The following ADRA1A variants were observed in gnomAD, a reference collection of about 807,000 sequenced individuals.
ADRA1A encodes the protein alpha-1A adrenergic receptor.
ADRA1A carries 31 observed loss-of-function variants against 29.6 expected under a neutral mutation model. The ratio of observed to expected loss-of-function variants is 1.05; its 90% CI spans 0.79 to 1.41. ADRA1A has a LOEUF of 1.41. Ranked by LOEUF, ADRA1A falls within the 40% of genes most tolerant of loss-of-function variation. The pLI is 0.00. For synonymous variants in ADRA1A, 311 were observed against 254.3 expected, an observed-to-expected ratio of 1.22 and a Z score of -2.12; for missense variants, 619 against 601.1, an observed-to-expected ratio of 1.03 and a Z score of -0.31.
At chr8:26,828,155 G>A (rs1259810005) in intron 2 of ADRA1A, among the ~76,000 whole-genome samples, 3 of 152,162 alleles carry the variant, frequency 2.0e-5, no homozygotes, top group African/African-American at 7.2e-5. Flanking sequence ...GGGCCTCCCA[G>A]GGTGCTAAGA....
chr8:26,777,808 G>C (rs960517967), intron 2 of ADRA1A, among the ~76,000 whole-genome samples: 10 of 152,370 alleles, frequency 6.6e-5, no homozygotes, highest in Non-Finnish European at 1.0e-4. Context: ...CGGGCACACT[G>C]TGCTGGGCAC....
chr8:26,771,862 T>C lies in ADRA1A; in HGVS notation c.884-1196A>G, dbSNP rs75634841. The stretch of plus-strand genomic sequence containing the variant: ...GTATAACGCTGAGGGGATCATCACA[T>C]AGGATAAGGTCAATGTCGTTTCTAA... On this transcript the variant is annotated intron_variant, in intron 2 of 2. Transcript: ENST00000380573. 283 of 152,674 alleles carry C rather than the reference T, an allele frequency of 1.9e-3. 5 individuals carry two copies. In the East Asian group the frequency reaches 0.025, roughly 14 times the overall value. The allele number at this position is 152,674 out of a possible 1,614,324, so 9.5% of individuals were successfully genotyped here. A position where few individuals can be genotyped will look rare whatever the true frequency, so the allele number is the denominator to read the frequency against.
At chr8:26,814,382 T>G (rs1809621932) in intron 2 of ADRA1A, among the ~76,000 whole-genome samples, 1 of 152,204 alleles carries the variant, frequency 6.6e-6, no homozygotes, top group African/African-American at 2.4e-5. Flanking sequence ...TAGTAGGGAC[T>G]GCAGAATAGC....
At chr8:26,857,297 C>T (rs1410199829) in intron 2 of ADRA1A, among the ~76,000 whole-genome samples, 3 of 152,064 alleles carry the variant, frequency 2.0e-5, no homozygotes. Flanking sequence ...ACATAGATGG[C>T]TGCTGCTTTA....
intron 2 of ADRA1A, among the ~76,000 whole-genome samples, chr8:26,840,042 C>A (rs933039959): frequency 6.6e-6 from 1 of 152,232 alleles, no homozygotes; most frequent in African/African-American, 2.4e-5. Context: ...AGGCAATCTG[C>A]AATTTCTCAA....
At chr8:26,804,290 C>T (rs1479241120) in intron 2 of ADRA1A, among the ~76,000 whole-genome samples, 6 of 152,078 alleles carry the variant, frequency 3.9e-5, no homozygotes, top group African/African-American at 1.2e-4. Flanking sequence ...CATGAAAACA[C>T]ATCCACATGC....
At chr8:26,788,619 A>G (rs1392854236) in intron 2 of ADRA1A, among the ~76,000 whole-genome samples, 1 of 152,206 alleles carries the variant, frequency 6.6e-6, no homozygotes, top group African/African-American at 2.4e-5. Flanking sequence ...ATCTCCTCAT[A>G]TCAACCATGT....
At chr8:26,804,162 C>T (rs1232192042) in intron 2 of ADRA1A, among the ~76,000 whole-genome samples, 1 of 151,946 alleles carries the variant, frequency 6.6e-6, no homozygotes, top group Non-Finnish European at 1.5e-5. Context: ...GTCAAGTGAT[C>T]CTCCTGCCTT....
rs745807264 is a variant in ADRA1A, at chr8:26,864,658, T to G, written c.312A>C (p.Ala104=). ...FGRVFCNIWA[A]VDVLCCTASI... is the part of the protein sequence containing the mutation. ...ACGCGGTGCAGCACAGCACATCCAC[T>G]GCCGCCCAGATGTTGCAGAAGACCC... is the stretch of plus-strand genomic sequence containing the variant. The change falls in exon 2 of 3, where the codon GCA becomes GCC. Residue 104 remains alanine (A), a synonymous_variant. Transcript: ENST00000380573. This position sits in a 1 kb window ranked among gnomAD's most constrained non-coding sequence, Gnocchi z 8.1. 41 of 1,614,016 alleles carry G rather than the reference T, an allele frequency of 2.5e-5. No individual in the cohort carries two copies. Among genetic ancestry groups the G allele is most frequent in the Non-Finnish European group, 3.2e-5 (38 of 1,180,032 alleles).
At chr8:26,764,951 T>C (rs73678231), downstream of ADRA1A, among the ~76,000 whole-genome samples, 1,958 of 152,290 alleles carry the variant, frequency 0.013, 44 homozygotes, top group African/African-American at 0.044. Context: ...ATAACGTGGC[T>C]GCACTGAATA....
chr8:26,786,478 T>C (rs1387419708), intron 2 of ADRA1A, among the ~76,000 whole-genome samples: 1 of 151,976 alleles, frequency 6.6e-6, no homozygotes, highest in Non-Finnish European at 1.5e-5. Flanking sequence ...ATGTACTCCA[T>C]TGAGTACATC....
At chr8:26,832,805 T>C (rs1401234580) in intron 2 of ADRA1A, among the ~76,000 whole-genome samples, 1 of 152,086 alleles carries the variant, frequency 6.6e-6, no homozygotes, top group Non-Finnish European at 1.5e-5. Flanking sequence ...AAGGAGAAGC[T>C]GGGCTGCCAT....
At chr8:26,820,556 T>A (rs1232193751) in intron 2 of ADRA1A, among the ~76,000 whole-genome samples, 1 of 152,200 alleles carries the variant, frequency 6.6e-6, no homozygotes, top group Non-Finnish European at 1.5e-5. Flanking sequence ...CTTCTCAGTG[T>A]AGACTTTTCA....
At chr8:26,759,690 C>G (rs1805396794) in intron 2 of ADRA1A, among the ~76,000 whole-genome samples, 1 of 152,146 alleles carries the variant, frequency 6.6e-6, no homozygotes, top group African/African-American at 2.4e-5. Context: ...CCCTCCCATC[C>G]CTTGAGACTT....
At chr8:26,790,633 T>C (rs1807747738) in intron 2 of ADRA1A, among the ~76,000 whole-genome samples, 1 of 152,194 alleles carries the variant, frequency 6.6e-6, no homozygotes. Context: ...AATGATCTTA[T>C]AAATGTTTGA....
At chr8:26,765,407 G>A (rs1440249628), downstream of ADRA1A, among the ~76,000 whole-genome samples, 1 of 152,194 alleles carries the variant, frequency 6.6e-6, no homozygotes, top group Non-Finnish European at 1.5e-5. Context: ...TGCTCCCAGG[G>A]GTTCTGGAGG....
chr8:26,858,604 T>A (rs1347804746), intron 2 of ADRA1A, among the ~76,000 whole-genome samples: 1 of 152,168 alleles, frequency 6.6e-6, no homozygotes, highest in Non-Finnish European at 1.5e-5. Flanking sequence ...CTCTAGACAA[T>A]GAGATGAAAT....
chr8:26,861,303 G>GGT (rs1813436795), intron 2 of ADRA1A, among the ~76,000 whole-genome samples: 1 of 119,674 alleles, frequency 8.4e-6, no homozygotes, highest in Admixed American at 8.9e-5. Context: ...CAGAGGCTCT[G>GGT]TTTTTTTTTT....
At chr8:26,767,242 G>A (rs1396366653), downstream of ADRA1A, among the ~76,000 whole-genome samples, 1 of 152,174 alleles carries the variant, frequency 6.6e-6, no homozygotes, top group Non-Finnish European at 1.5e-5. Context: ...ACACATTAGA[G>A]AAGACATCGT....
Sources: allele counts gnomAD v4.1 joint callset (sites outside exome capture counted in the v4.1 genomes callset), GRCh38; gene constraint gnomAD v4.1.1; non-coding constraint Gnocchi (gnomAD v3.1); transcripts MANE v1.5; gene names NCBI Gene and HGNC (gene_info 2026-07-23, HGNC 2026-07-21).